The following RYR2 variants were observed in gnomAD, a reference collection of about 807,000 sequenced individuals.
The protein encoded by RYR2 is ryanodine receptor 2, also known as cardiac muscle ryanodine receptor-calcium release channel.
Under a neutral mutation model 601.1 loss-of-function variants are expected in RYR2, and 227 were observed. That is an observed-to-expected ratio of 0.38 (90% CI 0.34 to 0.42). The LOEUF is 0.42. RYR2 is among the 10% of genes least tolerant of loss of function. The probability of loss-of-function intolerance (pLI) is 1.00; values close to 1 mark genes in which losing one functional copy is unlikely to be tolerated. For missense variants in RYR2, 4,646 were observed against 6,156.5 expected (o/e 0.75, Z 8.21); for synonymous variants, 2,223 against 2,175.1 (o/e 1.02, Z -0.61).
Position 237,589,777 on chromosome 1 carries a change from T to G in RYR2, c.3599-16T>G, listed in dbSNP as rs966962775. 6.2e-7 allele frequency: 1 copy of G among 1,612,494 alleles called. No homozygotes were observed. Among genetic ancestry groups the G allele is most frequent in the Non-Finnish European group, 8.5e-7 (1 of 1,179,018 alleles). On this transcript the variant is annotated splice_polypyrimidine_tract_variant and intron_variant, in intron 29 of 104. Coordinates refer to ENST00000366574, the MANE Select transcript of RYR2 (RefSeq NM_001035.3). Reference sequence around the variant, plus strand: ...ATACTAATGGTACTAAAACTTGATTTTTTTTTTCTTCCCAGGATTCATACC... The same window carrying G: ...ATACTAATGGTACTAAAACTTGATTGTTTTTTTCTTCCCAGGATTCATACC...
At chr1:237,137,085 C>T (rs1672876256) in intron 1 of RYR2, among the ~76,000 whole-genome samples, 2 of 151,472 alleles carry the variant, frequency 1.3e-5, no homozygotes, top group Non-Finnish European at 2.9e-5. Flanking sequence ...GTGGCTCTAC[C>T]ATACTGTTCA....
intron 3 of RYR2, chr1:237,352,760 A>G (rs1293393205): frequency 4.6e-6 from 2 of 430,458 alleles, no homozygotes; most frequent in Non-Finnish European, 9.5e-6. Flanking sequence ...GATAGAGTTC[A>G]TAAGTAGATC....
At chr1:237,534,904 A>G (rs1668448382) in intron 25 of RYR2, among the ~76,000 whole-genome samples, 1 of 151,834 alleles carries the variant, frequency 6.6e-6, no homozygotes, top group South Asian at 2.1e-4. Context: ...TGAAATATGT[A>G]TATGCTGTGG....
chr1:237,364,209 G>T, intron 4 of RYR2, 149 bp from the exon 5 acceptor site: 1 of 595,776 alleles, frequency 1.7e-6, no homozygotes, highest in South Asian at 3.3e-5. Context: ...GTTTTGTTGC[G>T]ATAACATGGT....
intron 1 of RYR2, among the ~76,000 whole-genome samples, chr1:237,096,633 G>A (rs747774698): frequency 2.6e-5 from 4 of 152,148 alleles, no homozygotes; most frequent in African/African-American, 7.2e-5. Context: ...TGGAATTGTT[G>A]TTGGCTTTTA....
intron 3 of RYR2, among the ~76,000 whole-genome samples, chr1:237,331,794 G>T (rs187103456): frequency 1.3e-5 from 2 of 152,056 alleles, no homozygotes; most frequent in East Asian, 1.9e-4. Flanking sequence ...GATTACAGGC[G>T]TGAGCCACCG....
chr1:237,570,415 TAC>T (rs1157031874), intron 29 of RYR2, among the ~76,000 whole-genome samples: 1 of 150,510 alleles, frequency 6.6e-6, no homozygotes, highest in Non-Finnish European at 1.5e-5. Context: ...CTCAGCTCAC[TAC>T]AACCTCTGCC....
intron 56 of RYR2, among the ~76,000 whole-genome samples, chr1:237,662,977 G>A (rs1326722499): frequency 1.3e-5 from 2 of 152,178 alleles, no homozygotes; most frequent in Non-Finnish European, 1.5e-5. Context: ...CAATATTTCT[G>A]TGGAGGGCAT....
At chr1:237,802,271 C>A (rs184982051) in intron 98 of RYR2, 25 of 165,608 alleles carry the variant, frequency 1.5e-4, no homozygotes, top group Admixed American at 3.8e-4. Context: ...TTTAGGTTTT[C>A]CCCAAATTAA....
intron 25 of RYR2, 130 bp downstream of exon 25, chr1:237,530,640 G>T: frequency 2.7e-6 from 2 of 730,262 alleles, no homozygotes; most frequent in South Asian, 3.2e-5. Flanking sequence ...GCTGGGTGCG[G>T]TGGCTCACAC....
At chr1:237,757,019 A>T (rs1328396110) in intron 81 of RYR2, among the ~76,000 whole-genome samples, 1 of 152,236 alleles carries the variant, frequency 6.6e-6, no homozygotes, top group African/African-American at 2.4e-5. Flanking sequence ...GTACATTCAT[A>T]ATAGCTTCTT....
chr1:237,544,375 A>C lies in RYR2; in HGVS notation c.2907-4056A>C, dbSNP rs1207838140. Among the ~76,000 whole-genome samples the C allele has an allele frequency of 3.3e-5, 5 of 152,302 alleles. No homozygotes were observed. The East Asian group carries it at 9.6e-4, about 29-fold the overall frequency. On this transcript the variant is annotated intron_variant, in intron 25 of 104. Coordinates refer to ENST00000366574, the MANE Select transcript of RYR2 (RefSeq NM_001035.3). Reference sequence around the variant, plus strand: ...GCAGAAGTTTCTCATGATGTTTGAGAAAGTAGAATGTAATACAGAGACATC... The same window carrying C: ...GCAGAAGTTTCTCATGATGTTTGAGCAAGTAGAATGTAATACAGAGACATC...
chr1:237,085,699 G>A (rs563659814), intron 1 of RYR2, among the ~76,000 whole-genome samples: 106 of 152,326 alleles, frequency 7.0e-4, no homozygotes, highest in African/African-American at 2.1e-3. Flanking sequence ...GGGAACTTGA[G>A]GGGGAGAAGA....
intron 27 of RYR2, among the ~76,000 whole-genome samples, chr1:237,564,993 T>C (rs1671820885): frequency 6.6e-6 from 1 of 152,238 alleles, no homozygotes; most frequent in African/African-American, 2.4e-5. Flanking sequence ...ATAGTTCTAA[T>C]TTGATCATAC....
chr1:237,551,868 T>G (rs1044094445), intron 27 of RYR2, among the ~76,000 whole-genome samples: 1 of 152,150 alleles, frequency 6.6e-6, no homozygotes, highest in Non-Finnish European at 1.5e-5. Context: ...ATGCTTGTAT[T>G]ACGCTCATTT....
intron 10 of RYR2, among the ~76,000 whole-genome samples, chr1:237,409,171 A>G (rs1007286798): frequency 2.6e-5 from 4 of 151,978 alleles, no homozygotes; most frequent in African/African-American, 9.7e-5. Context: ...TTCTTATGTT[A>G]TTGCATTATC....
intron 42 of RYR2, 103 bp downstream of exon 42, chr1:237,631,644 T>G: frequency 1.9e-6 from 1 of 534,930 alleles, no homozygotes; most frequent in East Asian, 4.5e-5. Context: ...TTTTTTTTTT[T>G]TGGAGACAGA....
In RYR2 at chr1:237,297,330, A is replaced by G. The variant is rs144995562; in HGVS notation, c.168+26714A>G. ...GGAAAGGTGATCTTTATGCTCCACT[A>G]TAACAAACTGCAGGAACAGATAAGC... On this transcript the variant is annotated intron_variant, in intron 2 of 104. Coordinates refer to ENST00000366574, the MANE Select transcript of RYR2 (RefSeq NM_001035.3). 4.3e-4 allele frequency among the ~76,000 whole-genome samples: 66 copies of G among 152,320 alleles called. 1 individual carries two copies. The East Asian group carries it at 0.012, about 28-fold the overall frequency.
intron 19 of RYR2, among the ~76,000 whole-genome samples, chr1:237,493,691 A>T (rs1482315098): frequency 5.3e-5 from 8 of 152,292 alleles, no homozygotes; most frequent in African/African-American, 1.9e-4. Context: ...TGACCTCGTG[A>T]TCTGCCCGCC....
Sources: allele counts gnomAD v4.1 joint callset (sites outside exome capture counted in the v4.1 genomes callset), GRCh38; gene constraint gnomAD v4.1.1; transcripts MANE v1.5; gene names NCBI Gene and HGNC (gene_info 2026-07-23, HGNC 2026-07-21).